UTRN: variants seen among roughly 807,000 people sequenced by gnomAD.
UTRN encodes utrophin.
In UTRN, 283 loss-of-function variants were observed where a neutral mutation model predicts 463.9. The ratio of observed to expected loss-of-function variants is 0.61; its 90% CI spans 0.55 to 0.67. UTRN has a LOEUF of 0.67. Among genes scored for constraint, UTRN ranks in the 30% least tolerant of loss-of-function variants. UTRN has a pLI of 0.00. For missense variants in UTRN, 3,922 were observed against 4,084.3 expected (o/e 0.96, Z 1.08); for synonymous variants, 1,442 against 1,431.5 (o/e 1.01, Z -0.17).
In UTRN at chr6:144,318,197, A is replaced by C. The variant is rs138181539; in HGVS notation, c.79+26290A>C. Among the ~76,000 whole-genome samples the C allele has an allele frequency of 1.2e-3, 186 of 152,362 alleles. 1 individual carries two copies. In the East Asian group the frequency reaches 0.029, roughly 24 times the overall value. On this transcript the variant is annotated intron_variant, in intron 2 of 74. Transcript: ENST00000367545. ...ATTCTTCAAAGGAAAATTTTCCTTC[A>C]GTGTATTCCATCTTTCTTACTTCTT... is the stretch of plus-strand genomic sequence containing the variant.
At position 144,718,164 on chromosome 6, in the gene UTRN, G is replaced by T. The variant is rs1020739542; in HGVS notation, c.7810-12193G>T. ...AGCTGAGAAACATGGTAGAATTTTA[G>T]ATTAGCATGATTTTAATAGTAATGG... is the stretch of plus-strand genomic sequence containing the variant. On this transcript the variant is annotated intron_variant, in intron 53 of 74. Coordinates refer to ENST00000367545, the MANE Select transcript of UTRN (RefSeq NM_007124.3). 4.6e-5 allele frequency among the ~76,000 whole-genome samples: 7 copies of T among 152,238 alleles called. No homozygotes were observed. The South Asian group carries it at 1.2e-3, about 27-fold the overall frequency.
chr6:144,702,322 C>G (rs776907978), intron 53 of UTRN, among the ~76,000 whole-genome samples: 7 of 152,280 alleles, frequency 4.6e-5, no homozygotes, highest in Admixed American at 1.3e-4. Context: ...GCACTGCAGG[C>G]AGTTGCTCTG....
At chr6:144,400,780 A>G (rs368013480) in intron 2 of UTRN, among the ~76,000 whole-genome samples, 12 of 152,228 alleles carry the variant, frequency 7.9e-5, no homozygotes, top group African/African-American at 2.7e-4. Context: ...TATCGTTTAC[A>G]GGCAAATAAT....
intron 56 of UTRN, 120 bp from the exon 57 acceptor site, chr6:144,754,600 A>G (rs1791780238): frequency 7.3e-6 from 6 of 820,754 alleles, no homozygotes; most frequent in East Asian, 3.1e-5. Context: ...AGGGGTCTAT[A>G]TAAACAATCA....
At chr6:144,725,696 A>G (rs1787797558) in intron 53 of UTRN, among the ~76,000 whole-genome samples, 1 of 152,176 alleles carries the variant, frequency 6.6e-6, no homozygotes, top group Admixed American at 6.5e-5. Flanking sequence ...TTTTATGTCT[A>G]ATTGAGAGAG....
chr6:144,551,234 A>T, intron 48 of UTRN, 152 bp downstream of exon 48: 1 of 544,852 alleles, frequency 1.8e-6, no homozygotes, highest in East Asian at 3.2e-5. Flanking sequence ...CTCTTTATTT[A>T]TACAGAAATG....
chr6:144,457,535 T>C (rs147941954), intron 19 of UTRN, among the ~76,000 whole-genome samples: 1 of 152,054 alleles, frequency 6.6e-6, no homozygotes, highest in African/African-American at 2.4e-5. Flanking sequence ...AGGAAAATGG[T>C]GATTTGTTTT....
intron 39 of UTRN, among the ~76,000 whole-genome samples, chr6:144,517,544 G>A (rs987653675): frequency 6.6e-6 from 1 of 152,022 alleles, no homozygotes; most frequent in Non-Finnish European, 1.5e-5. Flanking sequence ...CATTTTAAGT[G>A]TGCTGTTGTT....
chr6:144,380,728 T>C (rs1780837448), intron 2 of UTRN, among the ~76,000 whole-genome samples: 1 of 152,106 alleles, frequency 6.6e-6, no homozygotes, highest in East Asian at 1.9e-4. Flanking sequence ...GGTGGGAGGA[T>C]TACTTGAGCA....
At chr6:144,331,917 T>TA (rs147486230) in intron 2 of UTRN, among the ~76,000 whole-genome samples, 1,685 of 152,300 alleles carry the variant, frequency 0.011, 30 homozygotes, top group African/African-American at 0.038. Flanking sequence ...CAGTGAATCA[T>TA]ATGGTGAGAT....
chr6:144,428,506 A>G (rs758544538), intron 7 of UTRN, among the ~76,000 whole-genome samples: 1 of 151,332 alleles, frequency 6.6e-6, no homozygotes, highest in Non-Finnish European at 1.5e-5. Context: ...TCTTTGGGAA[A>G]CATTATATAC....
At chr6:144,490,459 A>G (rs1332199548) in intron 31 of UTRN, among the ~76,000 whole-genome samples, 1 of 152,154 alleles carries the variant, frequency 6.6e-6, no homozygotes, top group Non-Finnish European at 1.5e-5. Flanking sequence ...CTTTATATAC[A>G]CTTTTTCTTT....
At chr6:144,660,891 A>G (rs559702639) in intron 51 of UTRN, among the ~76,000 whole-genome samples, 1 of 152,316 alleles carries the variant, frequency 6.6e-6, no homozygotes, top group Admixed American at 6.5e-5. Flanking sequence ...TCTTTTTTCC[A>G]TAGGAAGGCT....
chr6:144,753,319 G>A (rs1268316986), intron 56 of UTRN, among the ~76,000 whole-genome samples: 1 of 152,110 alleles, frequency 6.6e-6, no homozygotes, highest in Non-Finnish European at 1.5e-5. Context: ...ACTATAGAAT[G>A]TGTATTTTTA....
chr6:144,654,317 T>C (rs1213299292), intron 51 of UTRN, among the ~76,000 whole-genome samples: 1 of 152,230 alleles, frequency 6.6e-6, no homozygotes, highest in East Asian at 1.9e-4. Flanking sequence ...GAAATCCCAC[T>C]GCTTAGTATT....
chr6:144,694,134 G>C (rs977427810), intron 52 of UTRN, among the ~76,000 whole-genome samples: 6 of 151,892 alleles, frequency 4.0e-5, no homozygotes, highest in African/African-American at 1.4e-4. Flanking sequence ...TTTTCTGCAT[G>C]TATTGAGATA....
At chr6:144,470,868 A>T (rs991653988) in intron 23 of UTRN, among the ~76,000 whole-genome samples, 3 of 151,812 alleles carry the variant, frequency 2.0e-5, no homozygotes, top group Non-Finnish European at 4.4e-5. Context: ...CCACCAAAAA[A>T]TACAAAAACC....
chr6:144,844,319 A>C (rs1416522840), intron 73 of UTRN, among the ~76,000 whole-genome samples: 1 of 148,760 alleles, frequency 6.7e-6, no homozygotes. Flanking sequence ...CCCAGGCTGG[A>C]GTTCAATGGC....
chr6:144,617,595 G>T (rs906089767), intron 51 of UTRN, among the ~76,000 whole-genome samples: 1 of 152,166 alleles, frequency 6.6e-6, no homozygotes, highest in Non-Finnish European at 1.5e-5. Context: ...GCTATGCTTT[G>T]TTGATGAACT....
Sources: gnomAD v4.1 joint callset for allele counts (sites outside exome capture counted in the v4.1 genomes callset) on GRCh38, gnomAD v4.1.1 for gene constraint, MANE v1.5 for transcripts, NCBI Gene and HGNC (gene_info 2026-07-23, HGNC 2026-07-21) for gene names.